TNFRSF19: variants seen among roughly 807,000 people sequenced by gnomAD.
TNFRSF19 encodes TNF receptor superfamily member 19, also known as tumor necrosis factor receptor superfamily member 19.
Under a neutral mutation model 46.4 loss-of-function variants are expected in TNFRSF19, and 27 were observed. The ratio of observed to expected loss-of-function variants is 0.58; its 90% confidence interval spans 0.43 to 0.80. TNFRSF19 has a LOEUF of 0.80. Among genes scored for constraint, TNFRSF19 ranks in the 30% least tolerant of loss-of-function variants. The pLI, the probability that TNFRSF19 is intolerant of heterozygous loss-of-function variation, is 0.00. For synonymous variants in TNFRSF19, 204 were observed against 205.0 expected (o/e 1.00, Z 0.04); for missense variants, 511 against 530.8 (o/e 0.96, Z 0.37).
chr13:23,590,705 CA>C (rs1270036148), intron 2 of TNFRSF19, among the ~76,000 whole-genome samples: 1 of 152,152 alleles, frequency 6.6e-6, no homozygotes, highest in Non-Finnish European at 1.5e-5. Flanking sequence ...ATTATTTTTG[CA>C]TGTAATTAAT....
chr13:23,615,112 A>C (rs574505543), intron 3 of TNFRSF19, among the ~76,000 whole-genome samples: 9 of 152,294 alleles, frequency 5.9e-5, no homozygotes, highest in Admixed American at 1.3e-4. Flanking sequence ...TCACATCTAC[A>C]TTCTTCTTTT....
At position 23,659,980 on chromosome 13, in the gene TNFRSF19, A is replaced by T. The variant is rs186978011; in HGVS notation, c.611-385A>T. Among the ~76,000 whole-genome samples, 71 of 152,140 alleles carry T rather than the reference A, an allele frequency of 4.7e-4. No individual in the cohort carries two copies. The South Asian group carries it at 7.5e-3, about 16-fold the overall frequency. ...GTTGAGTGGGCTGAGGAGGAGGAGG[A>T]GGAGGGTTGGCCTTGGTGTCTCAGC... On this transcript the variant is annotated intron_variant, in intron 6 of 9. Transcript: ENST00000248484. This position sits in a 1 kb window ranked among gnomAD's most constrained non-coding sequence, Gnocchi z 4.9.
At chr13:23,608,971 G>A (rs2138234073) in intron 3 of TNFRSF19, among the ~76,000 whole-genome samples, 1 of 152,320 alleles carries the variant, frequency 6.6e-6, no homozygotes, top group African/African-American at 2.4e-5. Context: ...CCTCATGCCA[G>A]ATGCTGTTGC....
At chr13:23,656,885 T>G (rs909070878) in intron 5 of TNFRSF19, among the ~76,000 whole-genome samples, 2 of 152,204 alleles carry the variant, frequency 1.3e-5, no homozygotes, top group African/African-American at 4.8e-5. Context: ...ACAGCTGTGC[T>G]TGTGCTCATA....
intron 3 of TNFRSF19, among the ~76,000 whole-genome samples, chr13:23,611,461 T>C (rs1880906133): frequency 6.6e-6 from 1 of 152,118 alleles, no homozygotes; most frequent in Non-Finnish European, 1.5e-5. Context: ...AGGCATCACC[T>C]GGGAGATGGT....
chr13:23,668,777 C>A lies in TNFRSF19; in HGVS notation c.925C>A (p.Pro309Thr), dbSNP rs1224489323. ...SICGEFSDAWPLMQNPMGGDN... is the reference protein window; with the variant it reads ...SICGEFSDAWTLMQNPMGGDN... Reference sequence around the variant, plus strand: ...CTGTGGCGAGTTTTCAGATGCCTGGCCTCTGATGCAGAATCCCATGGGTGG... The same window carrying A: ...CTGTGGCGAGTTTTCAGATGCCTGGACTCTGATGCAGAATCCCATGGGTGG... Residue 309 changes from proline (P) to threonine (T), a missense_variant, in exon 9 of 10, where the codon CCT becomes ACT. This residue lies in a region of TNFRSF19 where 376 missense variants were observed against 372.7 expected (regional missense o/e 1.01). Coordinates refer to ENST00000248484, the MANE Select transcript of TNFRSF19 (RefSeq NM_148957.4). The A allele has an allele frequency of 1.2e-6, 2 of 1,614,238 alleles. No individual in the cohort carries two copies. The highest frequency in any genetic ancestry group is 4.5e-5 in the East Asian group (2 of 44,890).
chr13:23,629,764 G>A (rs1049761008), intron 5 of TNFRSF19, among the ~76,000 whole-genome samples: 13 of 152,198 alleles, frequency 8.5e-5, no homozygotes, highest in African/African-American at 3.1e-4. Context: ...CTGCCCCGGG[G>A]CAAGCTCAGT....
rs1951804368 is a variant in TNFRSF19, at chr13:23,674,699, C to T, written c.*1319C>T. 1.3e-5 allele frequency: 2 copies of T among 152,344 alleles called. No homozygotes were observed. Among genetic ancestry groups the T allele is most frequent in the South Asian group, 4.1e-4 (2 of 4,828 alleles). 9.4% of individuals were successfully genotyped at this position (152,344 alleles called of 1,614,324 possible). On this transcript the variant is annotated 3_prime_UTR_variant, in exon 10 of 10. Transcript: ENST00000248484. Reference sequence around the variant, plus strand: ...ACTTGAACAGGGCATATTTTTTAGACTTCTGAACATCAGTATGTTCGAGGG... The same window carrying T: ...ACTTGAACAGGGCATATTTTTTAGATTTCTGAACATCAGTATGTTCGAGGG...
chr13:23,606,309 A>G (rs117456328), intron 3 of TNFRSF19, among the ~76,000 whole-genome samples: 1,588 of 152,228 alleles, frequency 0.01, 14 homozygotes, highest in Middle Eastern at 0.02. Context: ...TTCTGCCTTT[A>G]TGTACTTATT....
At chr13:23,617,633 A>G (rs1275173098) in intron 4 of TNFRSF19, among the ~76,000 whole-genome samples, 1 of 152,218 alleles carries the variant, frequency 6.6e-6, no homozygotes, top group Non-Finnish European at 1.5e-5. Context: ...AGCATCAGAA[A>G]CCAGTCTGTA....
At chr13:23,582,692 G>T (rs1878541519) in intron 1 of TNFRSF19, among the ~76,000 whole-genome samples, 1 of 152,136 alleles carries the variant, frequency 6.6e-6, no homozygotes, top group African/African-American at 2.4e-5. Flanking sequence ...CTTACAACTC[G>T]TTGTAATCCC....
chr13:23,614,131 T>C (rs9510784), intron 3 of TNFRSF19, among the ~76,000 whole-genome samples: 73,210 of 152,044 alleles, frequency 0.48, 19,828 homozygotes, highest in South Asian at 0.67. Context: ...ATATAGAACA[T>C]TGTGTGGCTG....
intron 4 of TNFRSF19, among the ~76,000 whole-genome samples, chr13:23,622,527 G>A (rs1324271644): frequency 6.6e-6 from 1 of 151,928 alleles, no homozygotes. Flanking sequence ...AAAAATTTTG[G>A]CAAATATATT....
intron 3 of TNFRSF19, among the ~76,000 whole-genome samples, chr13:23,597,245 C>T (rs923659655): frequency 2.0e-5 from 3 of 152,034 alleles, no homozygotes; most frequent in African/African-American, 7.2e-5. Context: ...CAACTAAGAT[C>T]AGAGCAGAAC....
chr13:23,663,872 T>TA (rs1262386042), intron 7 of TNFRSF19, among the ~76,000 whole-genome samples: 1 of 152,172 alleles, frequency 6.6e-6, no homozygotes, highest in Non-Finnish European at 1.5e-5. Context: ...TTGTAGTTTT[T>TA]AATTGTGTTT....
intron 5 of TNFRSF19, among the ~76,000 whole-genome samples, chr13:23,634,826 C>T (rs1162792399): frequency 2.0e-5 from 3 of 152,152 alleles, no homozygotes; most frequent in African/African-American, 4.8e-5. Context: ...TAAGGAAGAC[C>T]AGGGGATGTG....
chr13:23,603,602 T>TA (rs1283025729), intron 3 of TNFRSF19, among the ~76,000 whole-genome samples: 3 of 151,872 alleles, frequency 2.0e-5, no homozygotes, highest in African/African-American at 7.3e-5. Context: ...CAATGTATAT[T>TA]AAAAAAATCA....
intron 4 of TNFRSF19, among the ~76,000 whole-genome samples, chr13:23,626,290 C>G (rs1882004254): frequency 6.6e-6 from 1 of 151,394 alleles, no homozygotes; most frequent in Admixed American, 6.6e-5. Context: ...ATTCCTGTAT[C>G]AAGATTGTAT....
rs554309436 is a variant in TNFRSF19, at chr13:23,627,685, A to T, written c.445+893A>T. Among the ~76,000 whole-genome samples the T allele has an allele frequency of 2.6e-5, 4 of 152,260 alleles. No individual in the cohort carries two copies. In the South Asian group the frequency reaches 8.3e-4, roughly 32 times the overall value. ...GCTCTATCCCACACACAGGTCGCTC[A>T]TGCCTTTCTGGGGAGCATTGTTTTG... On this transcript the variant is annotated intron_variant, in intron 5 of 9. Coordinates refer to ENST00000248484, the MANE Select transcript of TNFRSF19 (RefSeq NM_148957.4).
Sources: gnomAD v4.1 joint callset for allele counts (sites outside exome capture counted in the v4.1 genomes callset) on GRCh38, gnomAD v4.1.1 for gene constraint, gnomAD v4.1.1 regional missense constraint, Gnocchi (gnomAD v3.1) non-coding constraint, MANE v1.5 for transcripts, NCBI Gene and HGNC (gene_info 2026-07-23, HGNC 2026-07-21) for gene names.